The following MED12L variants were observed in gnomAD, a reference collection of about 807,000 sequenced individuals.
MED12L encodes the protein mediator of RNA polymerase II transcription subunit 12-like protein.
A neutral mutation model predicts 281.3 loss-of-function variants in MED12L; 60 were observed. The ratio of observed to expected loss-of-function variants is 0.21; its 90% CI spans 0.17 to 0.26. MED12L has a LOEUF of 0.26. Among genes scored for constraint, MED12L ranks in the 10% least tolerant of loss-of-function variants. MED12L has a pLI of 1.00. For missense variants in MED12L, 2,146 were observed against 2,680.9 expected, an observed-to-expected ratio of 0.80 and a Z score of 4.41; for synonymous variants, 974 against 987.2, an observed-to-expected ratio of 0.99 and a Z score of 0.25.
chr3:151,215,113 CTT>C (rs556487682), intron 16 of MED12L, among the ~76,000 whole-genome samples: 1 of 145,368 alleles, frequency 6.9e-6, no homozygotes. Flanking sequence ...CAATATTGAG[CTT>C]TTTTTTTTTC....
At chr3:151,226,815 C>G (rs1413778109) in intron 16 of MED12L, among the ~76,000 whole-genome samples, 2 of 152,182 alleles carry the variant, frequency 1.3e-5, no homozygotes, top group Non-Finnish European at 2.9e-5. Context: ...GATTTTTTGA[C>G]TCAGTTTTCT....
intron 5 of MED12L, among the ~76,000 whole-genome samples, chr3:151,153,885 T>C (rs1718914021): frequency 6.6e-6 from 1 of 152,100 alleles, no homozygotes; most frequent in Non-Finnish European, 1.5e-5. Flanking sequence ...TTTCTTTTTG[T>C]CACCTGAAAC....
At chr3:151,389,330 A>G (rs1244988831) in intron 37 of MED12L, among the ~76,000 whole-genome samples, 1 of 152,104 alleles carries the variant, frequency 6.6e-6, no homozygotes, top group Admixed American at 6.5e-5. Flanking sequence ...CCTCTTTTCA[A>G]TGAGATATGC....
chr3:151,373,161 A>C (rs767016116), intron 27 of MED12L, among the ~76,000 whole-genome samples: 3 of 152,132 alleles, frequency 2.0e-5, no homozygotes, highest in African/African-American at 7.2e-5. Flanking sequence ...TTTCTCATCT[A>C]TAGGCCACAG....
At chr3:151,379,971 T>C in intron 31 of MED12L, 142 bp from the exon 32 acceptor site, 1 of 540,590 alleles carries the variant, frequency 1.8e-6, no homozygotes, top group Non-Finnish European at 3.2e-6. Flanking sequence ...TAAGTAGAGG[T>C]ATGATTTAAA....
intron 12 of MED12L, among the ~76,000 whole-genome samples, chr3:151,186,701 C>A (rs1425828436): frequency 6.6e-6 from 1 of 152,194 alleles, no homozygotes; most frequent in Non-Finnish European, 1.5e-5. Flanking sequence ...TCTTCCATCA[C>A]CACGTGATCA....
intron 16 of MED12L, among the ~76,000 whole-genome samples, chr3:151,291,004 C>A (rs543582774): frequency 6.6e-6 from 1 of 152,202 alleles, no homozygotes; most frequent in South Asian, 2.1e-4. Context: ...TCCAGAGATT[C>A]TTTTATGTAT....
chr3:151,269,713 T>C, intron 16 of MED12L: 1 of 420,808 alleles, frequency 2.4e-6, no homozygotes, highest in Non-Finnish European at 4.6e-6. Flanking sequence ...TGAAAATCTT[T>C]AGTTTGAAAA....
chr3:151,132,565 G>T (rs763550361), intron 5 of MED12L, among the ~76,000 whole-genome samples: 1 of 151,988 alleles, frequency 6.6e-6, no homozygotes, highest in East Asian at 1.9e-4. Context: ...TACTGATGGT[G>T]GTAACTTTGA....
Position 151,188,398 on chromosome 3 carries a change from T to C in MED12L, c.1671T>C (p.Ser557=), listed in dbSNP as rs1364863477. 1.9e-6 allele frequency: 3 copies of C among 1,611,648 alleles called. No individual in the cohort carries two copies. In the Admixed American group the frequency reaches 5.0e-5, roughly 27 times the overall value. Residue 557 remains serine (S), a synonymous_variant, in exon 13 of 45, where the codon TCT becomes TCC. Transcript: ENST00000687756. The part of the protein sequence containing the change: ...SEVLDEKESI[S]SSSLAGSSLP... ...TCTTAGATGAGAAGGAGTCTATTTC[T>C]TCATCCTCTCTTGCTGGATCCAGTT... is the stretch of plus-strand genomic sequence containing the variant.
At chr3:151,191,554 A>T (rs890014764) in intron 14 of MED12L, among the ~76,000 whole-genome samples, 11 of 152,188 alleles carry the variant, frequency 7.2e-5, no homozygotes, top group Non-Finnish European at 1.5e-4. Context: ...GGCAAAAAAG[A>T]TGGAGGTGGT....
intron 5 of MED12L, among the ~76,000 whole-genome samples, chr3:151,129,725 G>C (rs1715090374): frequency 6.7e-6 from 1 of 149,692 alleles, no homozygotes; most frequent in Non-Finnish European, 1.5e-5. Flanking sequence ...TTGTGTGTGT[G>C]TGTGTGTGTG....
intron 16 of MED12L, among the ~76,000 whole-genome samples, chr3:151,231,015 GAC>G (rs1731560507): frequency 6.6e-6 from 1 of 152,206 alleles, no homozygotes; most frequent in African/African-American, 2.4e-5. Context: ...GCTAAAAAAG[GAC>G]ACAGAAGCCG....
chr3:151,358,259 A>G (rs908919355), intron 20 of MED12L, among the ~76,000 whole-genome samples: 2 of 152,182 alleles, frequency 1.3e-5, no homozygotes, highest in Non-Finnish European at 1.5e-5. Context: ...TCCTAAAAAC[A>G]TCAGAATGTA....
intron 16 of MED12L, among the ~76,000 whole-genome samples, chr3:151,306,835 C>A (rs561188126): frequency 6.6e-6 from 1 of 152,302 alleles, no homozygotes; most frequent in African/African-American, 2.4e-5. Context: ...TGCAGTTGCT[C>A]ATGATTAATT....
chr3:151,337,921 A>G, intron 16 of MED12L: 1 of 1,614,150 alleles, frequency 6.2e-7, no homozygotes, highest in South Asian at 1.1e-5. Context: ...ATACTTATCA[A>G]GGAATTTCTG....
chr3:151,339,892 T>C (rs1453590003), intron 16 of MED12L, among the ~76,000 whole-genome samples: 2 of 152,184 alleles, frequency 1.3e-5, no homozygotes, highest in African/African-American at 4.8e-5. Flanking sequence ...TAAGTGAAAT[T>C]GATTCTATAT....
chr3:151,318,624 G>C (rs1748600733), intron 16 of MED12L, among the ~76,000 whole-genome samples: 1 of 152,140 alleles, frequency 6.6e-6, no homozygotes, highest in South Asian at 2.1e-4. Flanking sequence ...TTTGCTGCAA[G>C]TACTGAGGAT....
chr3:151,411,613 A>G (rs970108101), intron 41 of MED12L, 106 bp downstream of exon 41: 1 of 984,810 alleles, frequency 1.0e-6, no homozygotes, highest in East Asian at 2.5e-5. Flanking sequence ...ATGAGCTTGC[A>G]TATTTGCAGA....
Sources: allele counts gnomAD v4.1 joint callset (sites outside exome capture counted in the v4.1 genomes callset), GRCh38; gene constraint gnomAD v4.1.1; transcripts MANE v1.5; gene names NCBI Gene and HGNC (gene_info 2026-07-23, HGNC 2026-07-21).